The following ZGRF1 variants were observed in gnomAD, a reference collection of about 807,000 sequenced individuals.
The protein encoded by ZGRF1 is zinc finger GRF-type containing 1.
In ZGRF1, 196 loss-of-function variants were observed where a neutral mutation model predicts 203.5. That is an observed-to-expected ratio of 0.96 (90% CI 0.86 to 1.08). The LOEUF (loss-of-function observed/expected upper bound fraction) is 1.08. Ranked by LOEUF, ZGRF1 falls within the 50% of genes least tolerant of loss-of-function variation. ZGRF1 has a pLI of 0.00. For synonymous variants in ZGRF1, 809 were observed against 841.3 expected, an observed-to-expected ratio of 0.96 and a Z score of 0.66; for missense variants, 2,326 against 2,416.3, an observed-to-expected ratio of 0.96 and a Z score of 0.78.
At position 112,618,553 on chromosome 4, in the gene ZGRF1, C is replaced by T; in HGVS notation, c.1489G>A (p.Asp497Asn). 1 of 1,613,562 alleles carries T rather than the reference C, an allele frequency of 6.2e-7. No homozygotes were observed. Among genetic ancestry groups the T allele is most frequent in the Non-Finnish European group, 8.5e-7 (1 of 1,179,784 alleles). ...IESSNNSRIS[D>N]DITDMISESK... ...TCAGAAATCATGTCTGTAATGTCAT[C>T]AGAGATCCTAGAATTATTACTAGAT... Residue 497 changes from aspartate to asparagine, a missense_variant, in exon 6 of 28, where the codon GAT becomes AAT. Physicochemically the swap from Asp to Asn is conservative, Grantham distance 23 (BLOSUM62 1). Transcript: ENST00000505019.
At chr4:112,571,553 ATT>A (rs36106321) in intron 16 of ZGRF1, among the ~76,000 whole-genome samples, 5 of 149,912 alleles carry the variant, frequency 3.3e-5, no homozygotes, top group Admixed American at 1.3e-4. Context: ...TTAAATCTTA[ATT>A]TTTTTTTTTT....
rs552278244 is a variant in ZGRF1 at position 112,579,012 on chromosome 4, A to C, written c.4438+2651T>G. Among the ~76,000 whole-genome samples, 29 of 123,284 alleles carry C rather than the reference A, an allele frequency of 2.4e-4. 11 individuals are homozygous for C. Among genetic ancestry groups the C allele is most frequent in the Non-Finnish European group, 4.3e-4 (24 of 55,190 alleles). 80.9% of individuals were successfully genotyped at this position (123,284 alleles called of 152,430 possible). ...AATATCCCTGATGAACATCGATGCA[A>C]AAATCCTCAATAAAATACTGGCAAA... On this transcript the variant is annotated intron_variant, in intron 16 of 27. Coordinates refer to ENST00000505019, the MANE Select transcript of ZGRF1 (RefSeq NM_018392.5).
chr4:112,587,186 T>C, intron 12 of ZGRF1, 94 bp downstream of exon 12: 4 of 1,170,064 alleles, frequency 3.4e-6, no homozygotes, highest in Admixed American at 4.6e-5. Flanking sequence ...TCTGTCCAAA[T>C]TGCTCCTATG....
rs756688909 is a variant in ZGRF1, at chr4:112,617,989, T to C, written c.2053A>G (p.Ile685Val). The C allele has an allele frequency of 1.9e-6, 3 of 1,612,788 alleles. No individual in the cohort carries two copies. Among genetic ancestry groups the C allele is most frequent in the East Asian group, 2.2e-5 (1 of 44,852 alleles). The part of the protein sequence containing the change: ...FALPPNKSKG[I>V]NMNLHIPHIQ... ...TGAGGAATATGTAAATTCATGTTTA[T>C]ACCTTTAGATTTATTCGGGGGTAAA... Residue 685 changes from isoleucine to valine, a missense_variant, in exon 6 of 28, where the codon ATA becomes GTA. Transcript: ENST00000505019.
chr4:112,557,457 G>A (rs1741152979), intron 20 of ZGRF1, among the ~76,000 whole-genome samples: 1 of 152,194 alleles, frequency 6.6e-6, no homozygotes, highest in South Asian at 2.1e-4. Flanking sequence ...TTACAGGCAT[G>A]AGCCACCATG....
At chr4:112,611,799 T>G (rs1024834932) in intron 7 of ZGRF1, among the ~76,000 whole-genome samples, 5 of 152,186 alleles carry the variant, frequency 3.3e-5, no homozygotes, top group Admixed American at 6.5e-5. Context: ...TCAATGACAT[T>G]GCACCTTTGT....
At chr4:112,608,539 G>A (rs1288503236) in intron 8 of ZGRF1, among the ~76,000 whole-genome samples, 2 of 152,268 alleles carry the variant, frequency 1.3e-5, no homozygotes, top group East Asian at 3.9e-4. Flanking sequence ...AGAATTGCTT[G>A]AACCCAGGAG....
chr4:112,572,389 A>T (rs1380682516), intron 16 of ZGRF1, among the ~76,000 whole-genome samples: 1 of 152,242 alleles, frequency 6.6e-6, no homozygotes, highest in African/African-American at 2.4e-5. Context: ...CTCACCTTAT[A>T]CAAAATTCAA....
At chr4:112,616,816 G>A (rs536138053) in intron 6 of ZGRF1, among the ~76,000 whole-genome samples, 13 of 144,266 alleles carry the variant, frequency 9.0e-5, no homozygotes, top group South Asian at 2.3e-4. Flanking sequence ...CAGCCTGGAC[G>A]ACAAGAGTGA....
At chr4:112,625,188 C>A (rs1336340403) in intron 3 of ZGRF1, among the ~76,000 whole-genome samples, 1 of 152,206 alleles carries the variant, frequency 6.6e-6, no homozygotes, top group Non-Finnish European at 1.5e-5. Context: ...ACTTCGGAAG[C>A]TAAGGCGGAA....
At position 112,617,827 on chromosome 4, in the gene ZGRF1, G is replaced by A. The variant is rs752028933; in HGVS notation, c.2215C>T (p.Gln739Ter). ...PSTSSSDNSV[Q>*]LLNTNQNHYE... Reference sequence around the variant, plus strand: ...TGATTCTGATTGGTATTTAATAGTTGGACACTGTTGTCACTACTAGAAGTT... The same window carrying A: ...TGATTCTGATTGGTATTTAATAGTTAGACACTGTTGTCACTACTAGAAGTT... Residue 739 changes from glutamine to a stop codon, truncating the protein, a stop_gained, in exon 6 of 28, where the codon CAA (glutamine) becomes TAA (stop). Coordinates refer to ENST00000505019, the MANE Select transcript of ZGRF1 (RefSeq NM_018392.5). LOFTEE classifies it high-confidence loss of function. 3.1e-6 allele frequency: 5 copies of A among 1,613,868 alleles called. No homozygotes were observed. Among genetic ancestry groups the A allele is most frequent in the Non-Finnish European group, 4.2e-6 (5 of 1,179,910 alleles).
At chr4:112,584,797 G>A (rs1189952128) in intron 14 of ZGRF1, among the ~76,000 whole-genome samples, 3 of 152,164 alleles carry the variant, frequency 2.0e-5, no homozygotes, top group Admixed American at 2.0e-4. Flanking sequence ...TATGCAAATG[G>A]TGGAAGCAAA....
intron 16 of ZGRF1, among the ~76,000 whole-genome samples, chr4:112,569,870 T>C (rs1486863): frequency 0.15 from 23,467 of 152,022 alleles, 2,098 homozygotes; most frequent in East Asian, 0.42. Context: ...ATGAAACTAA[T>C]ACTAGTCAAA....
At chr4:112,586,125 C>T (rs765136866) in intron 13 of ZGRF1, among the ~76,000 whole-genome samples, 6 of 151,634 alleles carry the variant, frequency 4.0e-5, no homozygotes, top group Non-Finnish European at 8.8e-5. Flanking sequence ...CCTGTGGTTC[C>T]AGCTACTTGG....
At chr4:112,541,499 TA>T (rs1184936913) in intron 24 of ZGRF1, among the ~76,000 whole-genome samples, 5 of 151,136 alleles carry the variant, frequency 3.3e-5, no homozygotes, top group African/African-American at 1.2e-4. Flanking sequence ...ACTTATCTAG[TA>T]AGTTTGACTC....
Position 112,619,326 on chromosome 4 carries a change from G to A in ZGRF1, c.716C>T (p.Ala239Val). The change falls in exon 6 of 28, where the codon GCA becomes GTA. Residue 239 changes from alanine to valine, a missense_variant. Physicochemically the swap from Ala to Val is moderately conservative, Grantham distance 64 (BLOSUM62 0). Transcript: ENST00000505019. ...TNEPVKRDSL[A>V]SHYSGVSQNI... ...TTGTGAAACTCCTGAATAGTGAGAT[G>A]CCAAACTATCTCTTTTCACAGGCTC... The A allele has an allele frequency of 6.2e-7, 1 of 1,612,640 alleles. No individual in the cohort carries two copies. The highest frequency in any genetic ancestry group is 1.1e-5 in the South Asian group (1 of 90,870).
rs1274098782 is a variant in ZGRF1 at position 112,541,134 on chromosome 4, C to A, written c.5733G>T (p.Trp1911Cys). 1.9e-6 allele frequency: 3 copies of A among 1,606,936 alleles called. No homozygotes were observed. The highest frequency in any genetic ancestry group is 4.5e-5 in the East Asian group (2 of 44,756). Residue 1911 changes from tryptophan (W) to cysteine (C), a missense_variant, in exon 25 of 28, where the codon TGG (tryptophan) becomes TGT (cysteine). By Grantham distance (215) the Trp-to-Cys change is radical (BLOSUM62 -2). Coordinates refer to ENST00000505019, the MANE Select transcript of ZGRF1 (RefSeq NM_018392.5). Reference sequence around the variant, plus strand: ...CATTATAAAAACACAGGGTTGGTAGCCATTCCAATAAAGGGCTCCGCTCTA... The same window carrying A: ...CATTATAAAAACACAGGGTTGGTAGACATTCCAATAAAGGGCTCCGCTCTA... ...TEIERSPLLE[W>C]LPTLCFYNVK... is the part of the protein sequence containing the mutation.
chr4:112,546,072 G>GTAATAATAATAATAATAATAATAA (rs142640030), intron 24 of ZGRF1, among the ~76,000 whole-genome samples: 3,299 of 147,210 alleles, frequency 0.022, 57 homozygotes, highest in Non-Finnish European at 0.025. Flanking sequence ...GTACTTTAAA[G>GTAATAATAATAATAATAATAATAA]TAATAATAAT....
chr4:112,585,714 T>G lies in ZGRF1; in HGVS notation c.3928A>C (p.Ile1310Leu), dbSNP rs776330486. The G allele has an allele frequency of 6.5e-7, 1 of 1,535,162 alleles. No individual in the cohort carries two copies. The highest frequency in any genetic ancestry group is 8.7e-7 in the Non-Finnish European group (1 of 1,148,374). ...FTSCLIEHLN[I>L]LLFGLAQNLQ... ...TTTTGTGCTAACCCAAACAGCAATA[T>G]ATTTAGATGTTCTACAAAAAAAAAA... Residue 1310 changes from isoleucine (I) to leucine (L), a missense_variant, in exon 14 of 28, where the codon ATA becomes CTA. By Grantham distance (5) the Ile-to-Leu change is conservative. Coordinates refer to ENST00000505019, the MANE Select transcript of ZGRF1 (RefSeq NM_018392.5).
Sources: gnomAD v4.1 joint callset for allele counts (sites outside exome capture counted in the v4.1 genomes callset) on GRCh38, gnomAD v4.1.1 for gene constraint, MANE v1.5 for transcripts, NCBI Gene and HGNC (gene_info 2026-07-23, HGNC 2026-07-21) for gene names.